Variants in ITGA6 observed in about 807,000 individuals in gnomAD.
The protein encoded by ITGA6 is integrin alpha-6.
ITGA6 carries 63 observed loss-of-function variants against 133.6 expected under a neutral mutation model. That is an observed-to-expected ratio of 0.47 (90% CI 0.38 to 0.58). The LOEUF is 0.58. ITGA6 is among the 20% of genes least tolerant of loss of function. The pLI is 0.00. For missense variants in ITGA6, 1,068 were observed against 1,309.4 expected, an observed-to-expected ratio of 0.82 and a Z score of 2.85; for synonymous variants, 434 against 482.0, an observed-to-expected ratio of 0.90 and a Z score of 1.30.
chr2:172,480,729 A>T (rs930583565), intron 11 of ITGA6: 2 of 152,720 alleles, frequency 1.3e-5, no homozygotes, highest in Non-Finnish European at 2.9e-5. Flanking sequence ...AACTGAGAAG[A>T]CATGAAAAGC....
chr2:172,491,399 C>T lies in ITGA6; in HGVS notation c.2890-26C>T, dbSNP rs750868681. 6.3e-7 allele frequency: 1 copy of T among 1,586,754 alleles called. No homozygotes were observed. The highest frequency in any genetic ancestry group is 1.1e-5 in the South Asian group (1 of 90,542). On this transcript the variant is annotated intron_variant, in intron 22 of 25. Transcript: ENST00000684293. The surrounding 1 kb of genome is among the most constrained non-coding windows in gnomAD (Gnocchi z 4.4). ...TTTGCCTAGGACACTTTTCACTTCC[C>T]TAATGCATTCACTGTCTCCAAACAG...
chr2:172,488,248 C>T lies in ITGA6; in HGVS notation c.2505+20C>T. The T allele has an allele frequency of 6.6e-7, 1 of 1,511,350 alleles. No homozygotes were observed. 93.6% of individuals were successfully genotyped at this position (1,511,350 alleles called of 1,614,324 possible). A position where few individuals can be genotyped will look rare whatever the true frequency, so the allele number is the denominator to read the frequency against. On this transcript the variant is annotated intron_variant, in intron 19 of 25. Transcript: ENST00000684293. ...TTCAGGGTAAGTTGGAGCAGTTGGT[C>T]TTTTCATTATACCAAAAGCTGACAT...
intron 1 of ITGA6, among the ~76,000 whole-genome samples, chr2:172,432,402 G>A (rs1402499896): frequency 6.6e-6 from 1 of 152,226 alleles, no homozygotes; most frequent in Non-Finnish European, 1.5e-5. Flanking sequence ...GAGGGCAGGG[G>A]TCTTACATTC....
Position 172,504,365 on chromosome 2 carries a change from T to A in ITGA6, c.*297T>A. 2 of 766,582 alleles carry A rather than the reference T, an allele frequency of 2.6e-6. No homozygotes were observed. The highest frequency in any genetic ancestry group is 4.2e-6 in the Non-Finnish European group (2 of 478,700). 47.5% of individuals were successfully genotyped at this position (766,582 alleles called of 1,614,324 possible). A position where few individuals can be genotyped will look rare whatever the true frequency, so the allele number is the denominator to read the frequency against. Reference sequence around the variant, plus strand: ...CCCTGAGGACTGATTTCAGAGTGACTACACACAGTACGAACCTACAGTTTT... The same window carrying A: ...CCCTGAGGACTGATTTCAGAGTGACAACACACAGTACGAACCTACAGTTTT... On this transcript the variant is annotated 3_prime_UTR_variant, in exon 26 of 26. Transcript: ENST00000684293.
At chr2:172,446,370 A>C (rs1287744676) in intron 1 of ITGA6, among the ~76,000 whole-genome samples, 1 of 152,210 alleles carries the variant, frequency 6.6e-6, no homozygotes, top group Non-Finnish European at 1.5e-5. Flanking sequence ...CATGAATCTT[A>C]TTTTTTGAGT....
At chr2:172,428,658 C>T (rs1268141795) in intron 1 of ITGA6, 2 of 151,934 alleles carry the variant, frequency 1.3e-5, no homozygotes, top group African/African-American at 4.8e-5. Flanking sequence ...CCCCAAAGTA[C>T]TCGGCCGCAC....
rs1180324123 is a variant in ITGA6, at chr2:172,476,487, C to T, written c.1362C>T (p.Ser454=). The change falls in exon 9 of 26, where the codon TCC becomes TCT. Residue 454 remains serine, a synonymous_variant. Transcript: ENST00000684293. ...RNSYPDVAVG[S]LSDSVTIFRS... ...CCTACCCTGATGTTGCTGTTGGTTC[C>T]CTCTCAGATTCAGTAACTATTTTCA... The T allele has an allele frequency of 1.2e-6, 2 of 1,601,720 alleles. No individual in the cohort carries two copies. The highest frequency in any genetic ancestry group is 1.7e-5 in the Admixed American group (1 of 59,966).
intron 7 of ITGA6, 118 bp downstream of exon 7, chr2:172,475,240 G>T: frequency 5.3e-6 from 4 of 756,382 alleles, no homozygotes; most frequent in Non-Finnish European, 9.3e-6. Context: ...GGCTGAGGTG[G>T]GCGGATCACC....
chr2:172,427,509 G>A (rs1683888567), upstream of ITGA6: 3 of 1,117,726 alleles, frequency 2.7e-6, no homozygotes, highest in Admixed American at 5.2e-5. Flanking sequence ...GGGCGCGCAA[G>A]GAGGGGCGAG....
At chr2:172,436,954 G>A (rs1262682978) in intron 1 of ITGA6, among the ~76,000 whole-genome samples, 1 of 152,180 alleles carries the variant, frequency 6.6e-6, no homozygotes, top group East Asian at 1.9e-4. Context: ...AAAGTAGAGA[G>A]GGAACAGGGA....
intron 5 of ITGA6, 23 bp downstream of exon 5, chr2:172,471,128 G>T: frequency 6.2e-7 from 1 of 1,614,034 alleles, no homozygotes; most frequent in Non-Finnish European, 8.5e-7. Context: ...ACAGATGGCT[G>T]CCTTTGCCCA....
rs1686821878 is a variant in ITGA6 at position 172,489,288 on chromosome 2, TTTTG to T, written c.2506-193_2506-190del. On this transcript the variant is annotated intron_variant, in intron 19 of 25. Coordinates refer to ENST00000684293, the MANE Select transcript of ITGA6 (RefSeq NM_000210.4). ...TTAGCTATCAGTTGTCCTTTGACCT[TTTTG>T]TTTTTATTTACAAAAATCTTTAGGC... is the stretch of plus-strand genomic sequence containing the variant. Among the ~76,000 whole-genome samples the T allele has an allele frequency of 3.3e-5, 5 of 152,340 alleles. No homozygotes were observed. In the South Asian group the frequency reaches 1.0e-3, roughly 32 times the overall value.
intron 2 of ITGA6, 145 bp downstream of exon 2, chr2:172,465,808 G>A: frequency 4.3e-6 from 5 of 1,155,480 alleles, no homozygotes; most frequent in South Asian, 1.3e-5. Context: ...TATTTGCCCT[G>A]AAAATATTTA....
intron 9 of ITGA6, among the ~76,000 whole-genome samples, chr2:172,478,224 CAG>C (rs1400702584): frequency 6.6e-6 from 1 of 152,120 alleles, no homozygotes; most frequent in Non-Finnish European, 1.5e-5. Context: ...AATGGAAAAA[CAG>C]GGAATGTGGG....
chr2:172,433,295 G>A (rs1684181590), intron 1 of ITGA6, among the ~76,000 whole-genome samples: 1 of 152,182 alleles, frequency 6.6e-6, no homozygotes. Flanking sequence ...GCCCAGCCTA[G>A]ATCTGTTACG....
chr2:172,446,099 G>T (rs1398169446), intron 1 of ITGA6, among the ~76,000 whole-genome samples: 1 of 152,230 alleles, frequency 6.6e-6, no homozygotes, highest in Admixed American at 6.5e-5. Context: ...CTCTCTGGCA[G>T]AGCTACTAAG....
rs1559157260 is a variant in ITGA6, at chr2:172,497,968, C to T, written c.2989-7C>T. 1 of 1,613,774 alleles carries T rather than the reference C, an allele frequency of 6.2e-7. No individual in the cohort carries two copies. The highest frequency in any genetic ancestry group is 1.1e-5 in the South Asian group (1 of 91,064). On this transcript the variant is annotated splice_polypyrimidine_tract_variant and splice_region_variant and intron_variant, in intron 23 of 25. Coordinates refer to ENST00000684293, the MANE Select transcript of ITGA6 (RefSeq NM_000210.4). The stretch of plus-strand genomic sequence containing the variant: ...GTAGTAATGCTGCTTTCTTTTCTGC[C>T]CTGTAGGTTCGAGTGACTGTGTTTC...
Position 172,484,851 on chromosome 2 carries a change from G to A in ITGA6, c.1619G>A (p.Arg540Gln), listed in dbSNP as rs1005704533. 6 of 1,613,958 alleles carry A rather than the reference G, an allele frequency of 3.7e-6. No homozygotes were observed. The highest frequency in any genetic ancestry group is 1.3e-5 in the African/African-American group (1 of 74,910). The change falls in exon 12 of 26, where the codon CGA becomes CAA. Residue 540 changes from arginine to glutamine, a missense_variant. Physicochemically the swap from Arg to Gln is conservative, Grantham distance 43. This residue lies in a region of ITGA6 where 609 missense variants were observed against 707.2 expected (regional missense o/e 0.86). Transcript: ENST00000684293. ...KSGLSSRVQF[R>Q]NQGSEPKYTQ... ...GGGCTATCCTCAAGAGTTCAGTTTCGAAACCAAGGTTCTGAGCCCAAATAT... is the reference window on the plus strand; with the variant it reads ...GGGCTATCCTCAAGAGTTCAGTTTCAAAACCAAGGTTCTGAGCCCAAATAT...
At chr2:172,433,603 G>T (rs1246370602) in intron 1 of ITGA6, among the ~76,000 whole-genome samples, 1 of 152,230 alleles carries the variant, frequency 6.6e-6, no homozygotes, top group Admixed American at 6.5e-5. Flanking sequence ...AACCAAGGCT[G>T]TAAGAGGTGC....
Sources: allele counts gnomAD v4.1 joint callset (sites outside exome capture counted in the v4.1 genomes callset), GRCh38; gene constraint gnomAD v4.1.1; regional missense constraint gnomAD v4.1.1; non-coding constraint Gnocchi (gnomAD v3.1); transcripts MANE v1.5; gene names NCBI Gene and HGNC (gene_info 2026-07-23, HGNC 2026-07-21).